PTPRN2: variants seen among roughly 807,000 people sequenced by gnomAD.
PTPRN2 encodes the protein protein tyrosine phosphatase receptor type N2, also known as receptor-type tyrosine-protein phosphatase N2.
PTPRN2 carries 74 observed loss-of-function variants against 118.8 expected under a neutral mutation model. That is an observed-to-expected ratio of 0.62 (90% confidence interval 0.52 to 0.76). The LOEUF is 0.76. Among genes scored for constraint, PTPRN2 ranks in the 30% least tolerant of loss-of-function variants. The pLI, the probability that PTPRN2 is intolerant of heterozygous loss-of-function variation, is 0.00. For synonymous variants in PTPRN2, 641 were observed against 608.0 expected, an observed-to-expected ratio of 1.05 and a Z score of -0.80; for missense variants, 1,481 against 1,394.4, an observed-to-expected ratio of 1.06 and a Z score of -0.99.
At chr7:158,283,576 G>A (rs1460167262) in intron 3 of PTPRN2, among the ~76,000 whole-genome samples, 7 of 152,184 alleles carry the variant, frequency 4.6e-5, no homozygotes, top group Non-Finnish European at 8.8e-5. Flanking sequence ...TAGGGACCTT[G>A]CTGTGGCCAC....
At chr7:158,399,142 G>C (rs1335254001) in intron 2 of PTPRN2, among the ~76,000 whole-genome samples, 1 of 152,108 alleles carries the variant, frequency 6.6e-6, no homozygotes, top group Non-Finnish European at 1.5e-5. Context: ...CTTCCATGTG[G>C]CTGTCAGGGC....
chr7:158,226,926 A>C (rs1828832378), intron 3 of PTPRN2, among the ~76,000 whole-genome samples: 1 of 152,130 alleles, frequency 6.6e-6, no homozygotes, highest in Non-Finnish European at 1.5e-5. Flanking sequence ...TCCAGGCGAC[A>C]GGCTGTTTGG....
chr7:158,500,929 G>A (rs1822315214), intron 1 of PTPRN2, among the ~76,000 whole-genome samples: 2 of 152,242 alleles, frequency 1.3e-5, no homozygotes, highest in African/African-American at 4.8e-5. Context: ...CTCCTCACGC[G>A]GCGGGTCAGG....
chr7:158,187,962 T>C (rs1825309633), intron 5 of PTPRN2, among the ~76,000 whole-genome samples: 1 of 152,106 alleles, frequency 6.6e-6, no homozygotes, highest in Non-Finnish European at 1.5e-5. Context: ...CCCACGCCCC[T>C]CTCCCATTCC....
rs200048984 is a variant in PTPRN2 at position 157,698,301 on chromosome 7, AAAAT to A, written c.1789-15368_1789-15365del. Reference sequence around the variant, plus strand: ...CAATGCAAGTCATTTTTTGTTTTGAAAAATAAATCACCAACACAACTCAGCTTTT... The same window carrying A: ...CAATGCAAGTCATTTTTTGTTTTGAAAAATCACCAACACAACTCAGCTTTT... On this transcript the variant is annotated intron_variant, in intron 12 of 22. Transcript: ENST00000389418. Among the ~76,000 whole-genome samples the A allele has an allele frequency of 3.8e-3, 585 of 152,362 alleles. 2 individuals carry two copies. Among genetic ancestry groups the A allele is most frequent in the Middle Eastern group, 0.014 (4 of 294 alleles).
At chr7:157,701,594 C>G (rs187261139) in intron 12 of PTPRN2, among the ~76,000 whole-genome samples, 189 of 152,352 alleles carry the variant, frequency 1.2e-3, no homozygotes, top group African/African-American at 3.4e-3. Flanking sequence ...TCCTGTCACT[C>G]AGCGCTGCCC....
intron 12 of PTPRN2, among the ~76,000 whole-genome samples, chr7:157,819,198 T>C (rs1026690824): frequency 5.9e-5 from 9 of 152,176 alleles, no homozygotes; most frequent in Admixed American, 5.9e-4. Flanking sequence ...CTCTGCTGCC[T>C]GGGAGCTCCA....
At chr7:158,302,621 A>C (rs145238762) in intron 3 of PTPRN2, among the ~76,000 whole-genome samples, 104 of 152,360 alleles carry the variant, frequency 6.8e-4, no homozygotes, top group Admixed American at 2.6e-3. Flanking sequence ...CACGATAAAC[A>C]ACCAAAACAG....
intron 11 of PTPRN2, among the ~76,000 whole-genome samples, chr7:157,911,386 G>T (rs1798100328): frequency 6.6e-6 from 1 of 152,162 alleles, no homozygotes; most frequent in African/African-American, 2.4e-5. Flanking sequence ...CGTTTAGGGA[G>T]ATAAACTAGA....
At chr7:158,446,594 C>G (rs1193092071) in intron 2 of PTPRN2, among the ~76,000 whole-genome samples, 8 of 152,232 alleles carry the variant, frequency 5.3e-5, no homozygotes, top group Non-Finnish European at 1.2e-4. Context: ...TGGACCCTGC[C>G]TGGGCTGCCA....
chr7:158,329,619 C>G (rs1409863194), intron 2 of PTPRN2, among the ~76,000 whole-genome samples: 1 of 152,334 alleles, frequency 6.6e-6, no homozygotes, highest in East Asian at 1.9e-4. Context: ...GCCTTCAGAA[C>G]TGAGAAATCA....
At chr7:158,575,920 A>G (rs1234068916) in intron 1 of PTPRN2, among the ~76,000 whole-genome samples, 1 of 152,252 alleles carries the variant, frequency 6.6e-6, no homozygotes, top group Non-Finnish European at 1.5e-5. Context: ...AAACTAAACC[A>G]AGAATCTAAT....
chr7:157,743,943 T>C (rs1240585517), intron 12 of PTPRN2, among the ~76,000 whole-genome samples: 1 of 152,214 alleles, frequency 6.6e-6, no homozygotes, highest in Non-Finnish European at 1.5e-5. Context: ...GTGTCCTCTT[T>C]GCACGTTGCA....
chr7:158,118,625 T>A (rs149760671), intron 9 of PTPRN2, among the ~76,000 whole-genome samples: 3 of 152,176 alleles, frequency 2.0e-5, no homozygotes, highest in African/African-American at 7.2e-5. Flanking sequence ...ATTCCACAGA[T>A]CTTTTAAGGA....
intron 2 of PTPRN2, among the ~76,000 whole-genome samples, chr7:158,328,804 C>T (rs1044833879): frequency 3.5e-5 from 5 of 144,732 alleles, no homozygotes; most frequent in East Asian, 2.0e-4. Flanking sequence ...CCCCCCCCCC[C>T]GCCACCCAGG....
intron 3 of PTPRN2, among the ~76,000 whole-genome samples, chr7:158,219,167 T>C (rs757084613): frequency 6.6e-6 from 1 of 152,012 alleles, no homozygotes; most frequent in Non-Finnish European, 1.5e-5. Flanking sequence ...CCACATGCCA[T>C]AAAGCAAGTC....
At chr7:158,326,371 G>A (rs1486181559) in intron 2 of PTPRN2, among the ~76,000 whole-genome samples, 2 of 152,244 alleles carry the variant, frequency 1.3e-5, no homozygotes, top group Non-Finnish European at 2.9e-5. Context: ...GATGCCAGTG[G>A]CAGACTCAGT....
At chr7:158,466,866 C>T (rs1472829038) in intron 2 of PTPRN2, among the ~76,000 whole-genome samples, 1 of 152,136 alleles carries the variant, frequency 6.6e-6, no homozygotes, top group Admixed American at 6.5e-5. Context: ...CACGGTGAAA[C>T]CCCATCTCTA....
intron 12 of PTPRN2, among the ~76,000 whole-genome samples, chr7:157,800,990 C>T (rs1267346214): frequency 6.6e-6 from 1 of 150,832 alleles, no homozygotes. Context: ...TATACACACA[C>T]ATATATATAC....
Sources: gnomAD v4.1 joint callset for allele counts (sites outside exome capture counted in the v4.1 genomes callset) on GRCh38, gnomAD v4.1.1 for gene constraint, MANE v1.5 for transcripts, NCBI Gene and HGNC (gene_info 2026-07-23, HGNC 2026-07-21) for gene names.